LUZP2: variants seen among roughly 807,000 people sequenced by gnomAD.
The protein encoded by LUZP2 is leucine zipper protein 2.
LUZP2 carries 52 observed loss-of-function variants against 51.6 expected under a neutral mutation model. The observed-to-expected ratio is 1.01, with a 90% CI of 0.81 to 1.27. LUZP2 has a LOEUF of 1.27. Among genes scored for constraint, LUZP2 ranks in the 50% most tolerant of loss-of-function variants. The pLI is 0.00. For synonymous variants in LUZP2, 154 were observed against 137.3 expected, an observed-to-expected ratio of 1.12 and a Z score of -0.85; for missense variants, 436 against 395.4, an observed-to-expected ratio of 1.10 and a Z score of -0.87.
chr11:24,717,986 A>G (rs191676101), intron 1 of LUZP2, among the ~76,000 whole-genome samples: 133 of 152,250 alleles, frequency 8.7e-4, no homozygotes, highest in African/African-American at 3.1e-3. Context: ...TCGTTATCCA[A>G]TCTGTCATAA....
At chr11:24,930,285 GA>G (rs1376611299) in intron 7 of LUZP2, among the ~76,000 whole-genome samples, 1 of 152,074 alleles carries the variant, frequency 6.6e-6, no homozygotes, top group Non-Finnish European at 1.5e-5. Flanking sequence ...TTTGTTGCCT[GA>G]ATACGTTTTT....
intron 1 of LUZP2, among the ~76,000 whole-genome samples, chr11:24,527,066 T>A (rs1047079740): frequency 5.9e-5 from 9 of 151,412 alleles, no homozygotes; most frequent in African/African-American, 1.7e-4. Flanking sequence ...AATGAGTCAG[T>A]GGCGACCCTC....
intron 5 of LUZP2, among the ~76,000 whole-genome samples, chr11:24,766,788 G>T (rs1269994104): frequency 1.3e-5 from 2 of 152,036 alleles, no homozygotes; most frequent in African/African-American, 4.8e-5. Context: ...GTTTTTCTTA[G>T]TCTCACTTTG....
chr11:24,497,709 C>A (rs1272384387), intron 1 of LUZP2, among the ~76,000 whole-genome samples: 1 of 152,172 alleles, frequency 6.6e-6, no homozygotes, highest in Non-Finnish European at 1.5e-5. Flanking sequence ...AGAGCTTCTC[C>A]CTTCCCCCAA....
chr11:24,705,628 G>A (rs916507095), intron 1 of LUZP2, among the ~76,000 whole-genome samples: 77 of 152,310 alleles, frequency 5.1e-4, no homozygotes, highest in Middle Eastern at 3.4e-3. Context: ...AGAACAGAAA[G>A]TTGGGGACAG....
At chr11:25,055,349 G>A (rs1343331315) in intron 10 of LUZP2, among the ~76,000 whole-genome samples, 1 of 151,924 alleles carries the variant, frequency 6.6e-6, no homozygotes, top group Non-Finnish European at 1.5e-5. Flanking sequence ...ATGTTTGATA[G>A]TTTTTCAGGG....
At chr11:24,732,307 A>T in intron 3 of LUZP2, 119 bp downstream of exon 3, 1 of 691,540 alleles carries the variant, frequency 1.4e-6, no homozygotes, top group Non-Finnish European at 2.3e-6. Context: ...CTTATACTTA[A>T]ATATGCATGC....
At chr11:24,998,725 G>T (rs949061739) in intron 9 of LUZP2, among the ~76,000 whole-genome samples, 23 of 151,938 alleles carry the variant, frequency 1.5e-4, no homozygotes, top group Admixed American at 6.6e-5. Context: ...AGGATTTCTG[G>T]GCTCTCTTTC....
At chr11:25,010,175 C>A (rs577399374) in intron 9 of LUZP2, among the ~76,000 whole-genome samples, 3 of 152,130 alleles carry the variant, frequency 2.0e-5, no homozygotes, top group African/African-American at 7.2e-5. Context: ...TAAATTCAAG[C>A]ATATGCTGCT....
At chr11:24,888,091 C>T (rs1288522596) in intron 5 of LUZP2, among the ~76,000 whole-genome samples, 1 of 152,176 alleles carries the variant, frequency 6.6e-6, no homozygotes, top group African/African-American at 2.4e-5. Context: ...TAAATGGTCC[C>T]AGATCATTAC....
At chr11:24,804,115 A>C (rs1849782111) in intron 5 of LUZP2, among the ~76,000 whole-genome samples, 1 of 152,098 alleles carries the variant, frequency 6.6e-6, no homozygotes, top group Non-Finnish European at 1.5e-5. Context: ...AAGTGTCTAC[A>C]ATTTATTTCA....
chr11:24,824,328 T>C (rs1303783361), intron 5 of LUZP2, among the ~76,000 whole-genome samples: 1 of 112,876 alleles, frequency 8.9e-6, no homozygotes, highest in Admixed American at 1.3e-4. Context: ...ATTACACCAT[T>C]GCACTCCAGC....
intron 1 of LUZP2, among the ~76,000 whole-genome samples, chr11:24,564,822 C>T (rs1254185674): frequency 6.6e-6 from 1 of 151,978 alleles, no homozygotes; most frequent in East Asian, 1.9e-4. Flanking sequence ...AAATAAGAGT[C>T]ACTTTAAAAT....
At chr11:24,909,130 C>T (rs1164456729) in intron 6 of LUZP2, among the ~76,000 whole-genome samples, 2 of 151,104 alleles carry the variant, frequency 1.3e-5, no homozygotes, top group East Asian at 3.9e-4. Flanking sequence ...TGAGGAAAAC[C>T]CCTAAAACAT....
At chr11:24,539,079 G>A (rs2133841946) in intron 1 of LUZP2, among the ~76,000 whole-genome samples, 1 of 151,848 alleles carries the variant, frequency 6.6e-6, no homozygotes, top group South Asian at 2.1e-4. Context: ...TTTGTGAGGA[G>A]GAAATATTTC....
intron 1 of LUZP2, among the ~76,000 whole-genome samples, chr11:24,570,890 A>T (rs1014999654): frequency 1.3e-5 from 2 of 152,088 alleles, no homozygotes; most frequent in South Asian, 4.1e-4. Context: ...AGAGGAAATG[A>T]TTTATCTGAA....
chr11:24,751,563 A>G (rs535115154), intron 4 of LUZP2: 48 of 979,948 alleles, frequency 4.9e-5, no homozygotes, highest in Admixed American at 1.8e-4. Flanking sequence ...GTGGAGTCGT[A>G]GTACCCACCC....
chr11:25,066,439 G>A (rs1214051732), intron 10 of LUZP2, among the ~76,000 whole-genome samples: 1 of 151,904 alleles, frequency 6.6e-6, no homozygotes, highest in Non-Finnish European at 1.5e-5. Context: ...GGATAAACAA[G>A]CCTGAGCAAA....
intron 1 of LUZP2, among the ~76,000 whole-genome samples, chr11:24,636,148 C>T (rs1855099645): frequency 6.6e-6 from 1 of 152,100 alleles, no homozygotes; most frequent in African/African-American, 2.4e-5. Flanking sequence ...TGGAACTACA[C>T]ACTGTAAGAG....
Sources: allele counts gnomAD v4.1 joint callset (sites outside exome capture counted in the v4.1 genomes callset), GRCh38; gene constraint gnomAD v4.1.1; transcripts MANE v1.5; gene names NCBI Gene and HGNC (gene_info 2026-07-23, HGNC 2026-07-21).